SFMBT2: variants seen among roughly 807,000 people sequenced by gnomAD.
SFMBT2 encodes the protein scm-like with four MBT domains protein 2.
SFMBT2 carries 38 observed loss-of-function variants against 110.1 expected under a neutral mutation model. That is an observed-to-expected ratio of 0.35 (90% confidence interval 0.27 to 0.45). The LOEUF is 0.45. Among genes scored for constraint, SFMBT2 ranks in the 20% least tolerant of loss-of-function variants. SFMBT2 has a pLI of 1.00. For synonymous variants in SFMBT2, 425 were observed against 425.4 expected (o/e 1.00, Z 0.01); for missense variants, 1,011 against 1,094.9 (o/e 0.92, Z 1.08).
chr10:7,206,001 T>C (rs1025659660), intron 11 of SFMBT2, 73 bp from the exon 12 acceptor site: 96 of 1,583,190 alleles, frequency 6.1e-5, no homozygotes, highest in Non-Finnish European at 7.0e-5. Context: ...ACAACAATAA[T>C]AGAGCATCCC....
chr10:7,352,046 G>GAA (rs1844340656), intron 4 of SFMBT2, among the ~76,000 whole-genome samples: 1 of 151,596 alleles, frequency 6.6e-6, no homozygotes, highest in Admixed American at 6.6e-5. Context: ...GCTTTTTTCT[G>GAA]GGCTCCTTTC....
chr10:7,322,168 T>C (rs1288437139), intron 4 of SFMBT2, among the ~76,000 whole-genome samples: 1 of 152,184 alleles, frequency 6.6e-6, no homozygotes, highest in Admixed American at 6.5e-5. Context: ...CCTATTCTGT[T>C]CTACTGATGG....
At chr10:7,378,419 A>T (rs1216076197) in intron 2 of SFMBT2, among the ~76,000 whole-genome samples, 1 of 75,882 alleles carries the variant, frequency 1.3e-5, no homozygotes, top group African/African-American at 6.4e-5. Flanking sequence ...GGGTGGATGG[A>T]TGGGTGTGAG....
chr10:7,261,981 C>A (rs1443272945), intron 7 of SFMBT2, among the ~76,000 whole-genome samples: 1 of 152,240 alleles, frequency 6.6e-6, no homozygotes, highest in Non-Finnish European at 1.5e-5. Flanking sequence ...CCTCAGTGTG[C>A]CCTCCCTGGG....
At position 7,200,434 on chromosome 10, in the gene SFMBT2, A is replaced by T; in HGVS notation, c.1538T>A (p.Phe513Tyr). 6.2e-7 allele frequency: 1 copy of T among 1,600,816 alleles called. No homozygotes were observed. The highest frequency in any genetic ancestry group is 2.3e-5 in the East Asian group (1 of 43,968). The change falls in exon 14 of 21, where the codon TTC (phenylalanine) becomes TAC (tyrosine). Residue 513 changes from phenylalanine (F) to tyrosine (Y), a missense_variant. This residue lies in a region of SFMBT2 where 979 missense variants were observed against 1,016.1 expected (regional missense o/e 0.96). Coordinates refer to ENST00000397167, the MANE Select transcript of SFMBT2 (RefSeq NM_001387889.1). ...VKKIPHDLCL[F>Y]PHLDTTGTVN... ...ATTACCTGTGGTGTCCAGGTGAGGG[A>T]ATAAACAAAGGTCATGAGGTATTTT...
intron 11 of SFMBT2, 112 bp from the exon 12 acceptor site, chr10:7,206,040 A>T: frequency 1.4e-6 from 2 of 1,431,948 alleles, no homozygotes; most frequent in South Asian, 3.1e-5. Flanking sequence ...TCCTTTATAC[A>T]TTAAAAAACA....
chr10:7,257,975 G>T (rs190705690), intron 7 of SFMBT2, among the ~76,000 whole-genome samples: 1 of 152,044 alleles, frequency 6.6e-6, no homozygotes, highest in East Asian at 1.9e-4. Flanking sequence ...TCTGCCACCC[G>T]GGCTGAAGTG....
At chr10:7,283,695 C>G (rs1842010265) in intron 6 of SFMBT2, among the ~76,000 whole-genome samples, 1 of 152,204 alleles carries the variant, frequency 6.6e-6, no homozygotes. Flanking sequence ...CCTAAGGCCT[C>G]TAACATTGCT....
At chr10:7,344,212 T>C (rs2131991642) in intron 4 of SFMBT2, among the ~76,000 whole-genome samples, 1 of 152,280 alleles carries the variant, frequency 6.6e-6, no homozygotes, top group Admixed American at 6.5e-5. Flanking sequence ...TTTCATGGGT[T>C]AGGAAGGTGA....
At chr10:7,315,108 G>GAAAGAAAGAAAGAA (rs1220664160) in intron 4 of SFMBT2, among the ~76,000 whole-genome samples, 1 of 132,732 alleles carries the variant, frequency 7.5e-6, no homozygotes, top group Non-Finnish European at 1.8e-5. Flanking sequence ...AAGAAAGAAA[G>GAAAGAAAGAAAGAA]AAAAAGCAAG....
chr10:7,336,478 G>A (rs985546861), intron 4 of SFMBT2, among the ~76,000 whole-genome samples: 1 of 152,166 alleles, frequency 6.6e-6, no homozygotes, highest in Non-Finnish European at 1.5e-5. Flanking sequence ...AGAATCACTG[G>A]AAATGAGATG....
At chr10:7,232,528 G>A (rs77995962) in intron 9 of SFMBT2, among the ~76,000 whole-genome samples, 2,648 of 152,256 alleles carry the variant, frequency 0.017, 59 homozygotes, top group African/African-American at 0.058. Context: ...GAAACGGCAC[G>A]TAGTTTTAAA....
chr10:7,378,020 G>A (rs1405041445), intron 2 of SFMBT2, among the ~76,000 whole-genome samples: 1 of 151,318 alleles, frequency 6.6e-6, no homozygotes, highest in African/African-American at 2.4e-5. Context: ...TATGTGAATG[G>A]GTGGGAGTGT....
intron 1 of SFMBT2, among the ~76,000 whole-genome samples, chr10:7,406,988 G>T (rs182870510): frequency 7.2e-5 from 11 of 151,910 alleles, no homozygotes; most frequent in East Asian, 1.9e-4. Flanking sequence ...GGGTTGGCGG[G>T]GGGGGAGGGA....
In SFMBT2 at chr10:7,163,285, C is replaced by T. The variant is rs187806093; in HGVS notation, c.*485G>A. ...TGCCAGCTGCATTGCAAAGGAGTTG[C>T]CACCAAGATGAAACCGCAAGTGCCA... On this transcript the variant is annotated 3_prime_UTR_variant, in exon 21 of 21. Transcript: ENST00000397167. The surrounding 1 kb of genome is among the most constrained non-coding windows in gnomAD (Gnocchi z 4.8). 832 of 155,984 alleles carry T rather than the reference C, an allele frequency of 5.3e-3. 5 individuals are homozygous for T. Among genetic ancestry groups the T allele is most frequent in the Admixed American group, 0.011 (175 of 15,704 alleles). 9.7% of individuals were successfully genotyped at this position (155,984 alleles called of 1,614,324 possible).
intron 20 of SFMBT2, among the ~76,000 whole-genome samples, chr10:7,169,940 A>T (rs572063090): frequency 6.6e-6 from 1 of 152,294 alleles, no homozygotes; most frequent in South Asian, 2.1e-4. Flanking sequence ...CCATGGTCTT[A>T]AAAATATTTT....
In SFMBT2 at chr10:7,269,049, GAA is replaced by G. The variant is rs5782960; in HGVS notation, c.870+7841_870+7842del. ...TCTAAATAACAGGGTTCGTCTTCAA[GAA>G]AAAAAAAGTCATTATTTATTTTTCA... is the stretch of plus-strand genomic sequence containing the variant. On this transcript the variant is annotated intron_variant, in intron 7 of 20. Coordinates refer to ENST00000397167, the MANE Select transcript of SFMBT2 (RefSeq NM_001387889.1). 8.1e-4 allele frequency among the ~76,000 whole-genome samples: 123 copies of G among 151,844 alleles called. 1 individual carries two copies. In the East Asian group the frequency reaches 0.017, roughly 22 times the overall value.
chr10:7,353,768 A>G (rs1844405537), intron 4 of SFMBT2, among the ~76,000 whole-genome samples: 2 of 152,290 alleles, frequency 1.3e-5, no homozygotes, highest in South Asian at 4.1e-4. Flanking sequence ...AAATGATCTG[A>G]TACCTTCCAT....
chr10:7,308,627 A>G (rs1842761400), intron 4 of SFMBT2, among the ~76,000 whole-genome samples: 1 of 152,172 alleles, frequency 6.6e-6, no homozygotes, highest in Non-Finnish European at 1.5e-5. Context: ...TGTAAGGTGA[A>G]TGGCAATGTG....
Sources: allele counts gnomAD v4.1 joint callset (sites outside exome capture counted in the v4.1 genomes callset), GRCh38; gene constraint gnomAD v4.1.1; regional missense constraint gnomAD v4.1.1; non-coding constraint Gnocchi (gnomAD v3.1); transcripts MANE v1.5; gene names NCBI Gene and HGNC (gene_info 2026-07-23, HGNC 2026-07-21).